Variants in RCAN2 observed in about 807,000 individuals in gnomAD.
RCAN2 encodes regulator of calcineurin 2.
RCAN2 carries 9 observed loss-of-function variants against 23.6 expected under a neutral mutation model. The observed-to-expected ratio is 0.38, with a 90% CI of 0.23 to 0.67. The LOEUF (loss-of-function observed/expected upper bound fraction) is 0.67. Among genes scored for constraint, RCAN2 ranks in the 30% least tolerant of loss-of-function variants. The pLI is 0.51. For synonymous variants in RCAN2, 109 were observed against 115.7 expected (o/e 0.94, Z 0.37); for missense variants, 273 against 302.3 (o/e 0.90, Z 0.72).
chr6:46,449,526 A>G (rs1033181931), intron 2 of RCAN2, among the ~76,000 whole-genome samples: 1 of 151,602 alleles, frequency 6.6e-6, no homozygotes, highest in East Asian at 1.9e-4. Context: ...TGGAACCACA[A>G]AGGACTCTGA....
chr6:46,470,078 A>T (rs1312018359), intron 1 of RCAN2, among the ~76,000 whole-genome samples: 1 of 152,214 alleles, frequency 6.6e-6, no homozygotes, highest in African/African-American at 2.4e-5. Flanking sequence ...ATTGCCTCAG[A>T]TATTTTAAAA....
chr6:46,484,251 C>T (rs1165358282), intron 1 of RCAN2, among the ~76,000 whole-genome samples: 1 of 152,050 alleles, frequency 6.6e-6, no homozygotes, highest in Non-Finnish European at 1.5e-5. Context: ...AATGTAGAGC[C>T]TTTTTTTCTT....
intron 1 of RCAN2, among the ~76,000 whole-genome samples, chr6:46,473,419 A>G (rs967768374): frequency 1.3e-5 from 2 of 152,146 alleles, no homozygotes; most frequent in African/African-American, 4.8e-5. Context: ...AGTGAACTGA[A>G]TTGTTTAACT....
chr6:46,248,432 T>G (rs1766595425), intron 3 of RCAN2, among the ~76,000 whole-genome samples: 1 of 152,136 alleles, frequency 6.6e-6, no homozygotes, highest in Admixed American at 6.5e-5. Flanking sequence ...CAATAATTCA[T>G]GCAATCCTCA....
At chr6:46,263,203 A>G (rs1767173160) in intron 2 of RCAN2, among the ~76,000 whole-genome samples, 2 of 152,210 alleles carry the variant, frequency 1.3e-5, no homozygotes, top group African/African-American at 4.8e-5. Context: ...CTACCGTTTG[A>G]TGAATTTGTT....
In RCAN2 at chr6:46,480,079, T is replaced by C. The variant is rs141063277; in HGVS notation, c.-3+11094A>G. Among the ~76,000 whole-genome samples the C allele has an allele frequency of 9.2e-5, 14 of 152,312 alleles. No homozygotes were observed. In the East Asian group the frequency reaches 1.7e-3, roughly 19 times the overall value. ...AAAACCATGCAGCAGTATTATTCAT[T>C]ATAAAGCGGGCCCCACAAATGCCTT... On this transcript the variant is annotated intron_variant, in intron 1 of 4. Transcript: ENST00000371374.
intron 1 of RCAN2, among the ~76,000 whole-genome samples, chr6:46,485,284 T>C (rs1768967350): frequency 6.6e-6 from 1 of 152,208 alleles, no homozygotes; most frequent in African/African-American, 2.4e-5. Context: ...AAAAAGATTA[T>C]TGGCTTCATA....
chr6:46,345,440 A>G (rs2150375237), intron 2 of RCAN2, among the ~76,000 whole-genome samples: 1 of 152,270 alleles, frequency 6.6e-6, no homozygotes, highest in Admixed American at 6.5e-5. Flanking sequence ...TGCAGAACAT[A>G]CATTCTTTTC....
chr6:46,403,631 G>A (rs1188592619), intron 2 of RCAN2, among the ~76,000 whole-genome samples: 12 of 151,840 alleles, frequency 7.9e-5, no homozygotes, highest in Admixed American at 6.6e-4. Context: ...CTTGATCCTG[G>A]ATCTTCAGGC....
At chr6:46,384,195 C>T (rs1765681792) in intron 2 of RCAN2, among the ~76,000 whole-genome samples, 2 of 152,178 alleles carry the variant, frequency 1.3e-5, no homozygotes, top group South Asian at 4.1e-4. Context: ...TGACTTCCTG[C>T]ATTGTTAATC....
chr6:46,342,872 T>A lies in RCAN2; in HGVS notation c.226-93976A>T, dbSNP rs1366838973. Reference sequence around the variant, plus strand: ...CCAAAGAGTAAGTCTGTAAAACTAATACTTTATCTAGACTAGATTTAAAAT... The same window carrying A: ...CCAAAGAGTAAGTCTGTAAAACTAAAACTTTATCTAGACTAGATTTAAAAT... On this transcript the variant is annotated intron_variant, in intron 2 of 4. Transcript: ENST00000371374. Among the ~76,000 whole-genome samples, 3 of 152,194 alleles carry A rather than the reference T, an allele frequency of 2.0e-5. No individual in the cohort carries two copies. In the South Asian group the frequency reaches 6.2e-4, roughly 32 times the overall value.
chr6:46,282,122 GAC>G (rs1373701253), intron 2 of RCAN2, among the ~76,000 whole-genome samples: 1 of 152,156 alleles, frequency 6.6e-6, no homozygotes, highest in Non-Finnish European at 1.5e-5. Flanking sequence ...AAAGTTGAAT[GAC>G]ACATATTTTA....
rs188727540 is a variant in RCAN2 at position 46,337,790 on chromosome 6, C to G, written c.226-88894G>C. ...GGTCAGTGTCATTCTAAAGCTGATTCCCAGGACAGCTGCCGGTAGTGCCCT... is the reference window on the plus strand; with the variant it reads ...GGTCAGTGTCATTCTAAAGCTGATTGCCAGGACAGCTGCCGGTAGTGCCCT... On this transcript the variant is annotated intron_variant, in intron 2 of 4. Coordinates refer to ENST00000371374, the MANE Select transcript of RCAN2 (RefSeq NM_001251974.2). Among the ~76,000 whole-genome samples the G allele has an allele frequency of 1.2e-3, 185 of 152,310 alleles. 1 individual carries two copies. Among genetic ancestry groups the G allele is most frequent in the Admixed American group, 0.011 (167 of 15,296 alleles).
At chr6:46,329,645 C>T (rs1489993729) in intron 2 of RCAN2, among the ~76,000 whole-genome samples, 1 of 152,088 alleles carries the variant, frequency 6.6e-6, no homozygotes, top group Non-Finnish European at 1.5e-5. Flanking sequence ...AGAAGGGCTG[C>T]AAAGGCATGG....
chr6:46,350,292 G>T (rs970555832), intron 2 of RCAN2, among the ~76,000 whole-genome samples: 2 of 152,158 alleles, frequency 1.3e-5, no homozygotes, highest in African/African-American at 4.8e-5. Context: ...ATATTGTGTT[G>T]CAGTGTATAT....
At chr6:46,225,393 C>T (rs1319811026) in intron 4 of RCAN2, among the ~76,000 whole-genome samples, 4 of 152,178 alleles carry the variant, frequency 2.6e-5, no homozygotes, top group African/African-American at 9.7e-5. Flanking sequence ...GTTTACAGTC[C>T]CACCAACAGT....
At chr6:46,325,606 T>TCGGGCTCCTGGAGCCC in intron 2 of RCAN2, 1 of 1,448,792 alleles carries the variant, frequency 6.9e-7, no homozygotes, top group African/African-American at 1.4e-5. Flanking sequence ...GGCTGGAGGC[T>TCGGGCTCCTGGAGCCC]CGGGCTCCTG....
chr6:46,309,076 G>C (rs1313762113), intron 2 of RCAN2, among the ~76,000 whole-genome samples: 1 of 152,176 alleles, frequency 6.6e-6, no homozygotes, highest in Non-Finnish European at 1.5e-5. Flanking sequence ...CTAATCAATA[G>C]AAAAGAGATG....
chr6:46,253,733 G>A (rs1766811809), intron 2 of RCAN2, among the ~76,000 whole-genome samples: 1 of 152,058 alleles, frequency 6.6e-6, no homozygotes, highest in African/African-American at 2.4e-5. Context: ...ACTGCATAAT[G>A]AAGTTTTGGT....
Sources: allele counts gnomAD v4.1 joint callset (sites outside exome capture counted in the v4.1 genomes callset), GRCh38; gene constraint gnomAD v4.1.1; transcripts MANE v1.5; gene names NCBI Gene and HGNC (gene_info 2026-07-23, HGNC 2026-07-21).